The following GK5 variants were observed in gnomAD, a reference collection of about 807,000 sequenced individuals.
GK5 encodes glycerol kinase 5.
A neutral mutation model predicts 77.3 loss-of-function variants in GK5; 39 were observed. The ratio of observed to expected loss-of-function variants is 0.50; its 90% confidence interval spans 0.39 to 0.66. The LOEUF (loss-of-function observed/expected upper bound fraction) is 0.66, where lower values mean the gene tolerates loss of function less well. GK5 is among the 30% of genes least tolerant of loss of function. GK5 has a pLI of 0.00. For synonymous variants in GK5, 211 were observed against 208.0 expected (o/e 1.01, Z -0.13); for missense variants, 487 against 633.8 (o/e 0.77, Z 2.49).
intron 15 of GK5, among the ~76,000 whole-genome samples, chr3:142,168,733 C>T (rs537497146): frequency 2.2e-4 from 30 of 138,638 alleles, no homozygotes; most frequent in African/African-American, 7.3e-4. Context: ...CCCACCCCCC[C>T]ACCCCCGGTT....
At chr3:142,216,443 G>A (rs938441076) in intron 1 of GK5, among the ~76,000 whole-genome samples, 16 of 151,966 alleles carry the variant, frequency 1.1e-4, no homozygotes, top group African/African-American at 1.7e-4. Context: ...GTATCGGTGC[G>A]TCTCAACAGG....
intron 12 of GK5, among the ~76,000 whole-genome samples, chr3:142,174,148 T>A (rs1478262628): frequency 6.6e-6 from 1 of 152,228 alleles, no homozygotes; most frequent in Non-Finnish European, 1.5e-5. Flanking sequence ...CCTTGTCCGA[T>A]GTACTCCCAG....
chr3:142,180,963 T>G (rs2063689080), intron 11 of GK5, among the ~76,000 whole-genome samples: 1 of 152,182 alleles, frequency 6.6e-6, no homozygotes, highest in Non-Finnish European at 1.5e-5. Context: ...GACTGACCAC[T>G]GGGTGGCACA....
At chr3:142,171,032 C>T (rs1413798749) in intron 14 of GK5, among the ~76,000 whole-genome samples, 1 of 152,066 alleles carries the variant, frequency 6.6e-6, no homozygotes, top group Non-Finnish European at 1.5e-5. Context: ...AGTTCAATAC[C>T]ACCCTGGCCA....
intron 5 of GK5, among the ~76,000 whole-genome samples, chr3:142,193,909 T>G (rs1261348233): frequency 6.6e-6 from 1 of 151,988 alleles, no homozygotes; most frequent in Non-Finnish European, 1.5e-5. Flanking sequence ...TCTGGCTAAT[T>G]TTTGTATTTT....
intron 3 of GK5, among the ~76,000 whole-genome samples, chr3:142,205,976 G>A (rs552047683): frequency 1.2e-4 from 19 of 152,060 alleles, no homozygotes; most frequent in Admixed American, 1.2e-3. Flanking sequence ...CCTATTCCAG[G>A]TATATCATAT....
intron 6 of GK5, 124 bp from the exon 7 acceptor site, chr3:142,186,637 T>C (rs1577121375): frequency 4.2e-6 from 2 of 470,662 alleles, no homozygotes; most frequent in South Asian, 4.8e-5. Context: ...TTTCTTTTTT[T>C]TTTTTTTTTT....
At chr3:142,169,394 T>C (rs2063509204) in intron 15 of GK5, among the ~76,000 whole-genome samples, 1 of 152,184 alleles carries the variant, frequency 6.6e-6, no homozygotes, top group South Asian at 2.1e-4. Flanking sequence ...CGATATCTCA[T>C]CCTCCAGTAT....
chr3:142,218,121 C>G (rs1423977747), intron 1 of GK5, among the ~76,000 whole-genome samples: 1 of 151,628 alleles, frequency 6.6e-6, no homozygotes, highest in Non-Finnish European at 1.5e-5. Flanking sequence ...CAGAAATAGA[C>G]TCACACAAAT....
chr3:142,181,295 T>C (rs1262739826), intron 11 of GK5, among the ~76,000 whole-genome samples, 166 bp downstream of exon 11: 1 of 152,242 alleles, frequency 6.6e-6, no homozygotes, highest in African/African-American at 2.4e-5. Context: ...CCTAGCCTTT[T>C]ACCATTTCGA....
intron 5 of GK5, among the ~76,000 whole-genome samples, chr3:142,188,851 G>T (rs1377986466): frequency 6.6e-6 from 1 of 152,204 alleles, no homozygotes; most frequent in Non-Finnish European, 1.5e-5. Context: ...TTGGCATAAA[G>T]CATGCCAAGA....
intron 5 of GK5, among the ~76,000 whole-genome samples, chr3:142,196,781 A>G (rs2063940129): frequency 6.6e-6 from 1 of 152,164 alleles, no homozygotes. Context: ...GAGAGTGTAT[A>G]TTCTGTTCTT....
chr3:142,187,675 T>C, intron 6 of GK5, 29 bp downstream of exon 6: 1 of 1,513,514 alleles, frequency 6.6e-7, no homozygotes. Context: ...TTTCGGTTAT[T>C]TAAAATAGAT....
At chr3:142,173,385 C>T (rs2063565509) in intron 12 of GK5, among the ~76,000 whole-genome samples, 1 of 151,866 alleles carries the variant, frequency 6.6e-6, no homozygotes, top group Non-Finnish European at 1.5e-5. Flanking sequence ...AATTCTGGGA[C>T]ACAAAGATGA....
intron 15 of GK5, 144 bp downstream of exon 15, chr3:142,170,181 G>A (rs542990977): frequency 1.4e-5 from 12 of 841,888 alleles, no homozygotes; most frequent in South Asian, 1.2e-4. Flanking sequence ...AGGATATTTT[G>A]TGAGTAATAT....
At position 142,159,558 on chromosome 3, in the gene GK5, T is replaced by C. The variant is rs2108774578; in HGVS notation, c.*6064A>G. The C allele has an allele frequency of 6.6e-6, 1 of 151,790 alleles. No individual in the cohort carries two copies. The highest frequency in any genetic ancestry group is 1.5e-5 in the Non-Finnish European group (1 of 67,966). The allele number at this position is 151,790 out of a possible 1,614,324, so 9.4% of individuals were successfully genotyped here. On this transcript the variant is annotated 3_prime_UTR_variant, in exon 16 of 16. Coordinates refer to ENST00000392993, the MANE Select transcript of GK5 (RefSeq NM_001039547.3). ...TAGGAACAAGGGTCCCATGGGAATA[T>C]GATACAGCCAATGACTTAGGTGCCA...
intron 1 of GK5, among the ~76,000 whole-genome samples, chr3:142,221,208 T>C (rs1577157467): frequency 6.6e-6 from 1 of 152,216 alleles, no homozygotes; most frequent in African/African-American, 2.4e-5. Context: ...TATTCCCCAG[T>C]GAGCTCATCA....
At chr3:142,200,192 C>T (rs141125458) in intron 4 of GK5, among the ~76,000 whole-genome samples, 58 of 152,028 alleles carry the variant, frequency 3.8e-4, no homozygotes, top group African/African-American at 1.2e-3. Flanking sequence ...GTTCCCCAGG[C>T]TTACATTTTT....
intron 12 of GK5, among the ~76,000 whole-genome samples, chr3:142,174,615 C>T (rs1247890902): frequency 2.0e-5 from 3 of 152,212 alleles, no homozygotes; most frequent in African/African-American, 7.2e-5. Flanking sequence ...CCTAGTCACT[C>T]ACAAAACTAG....
Sources: allele counts gnomAD v4.1 joint callset (sites outside exome capture counted in the v4.1 genomes callset), GRCh38; gene constraint gnomAD v4.1.1; transcripts MANE v1.5; gene names NCBI Gene and HGNC (gene_info 2026-07-23, HGNC 2026-07-21).